Variants in FAM47B observed in about 807,000 individuals in gnomAD.
FAM47B encodes the protein family with sequence similarity 47 member B.
For missense variants in FAM47B, 581 were observed against 550.1 expected (o/e 1.06, Z -0.56); for synonymous variants, 247 against 215.8 (o/e 1.14, Z -1.27).
chrX:34,944,486 A>C lies in FAM47B; in HGVS notation c.1655A>C (p.Tyr552Ser), dbSNP rs756844782. The C allele has an allele frequency of 2.5e-6, 3 of 1,211,824 alleles. No homozygotes were observed. Residue 552 changes from tyrosine (Y) to serine (S), a missense_variant, in exon 1 of 1, where the codon TAC becomes TCC. Tyr to Ser is a moderately radical substitution (Grantham distance 144, BLOSUM62 -2). Transcript: ENST00000329357. Reference sequence around the variant, plus strand: ...GGGAGGATAAGGTATGGACCATGGTACTTCGAGCCTAAGTTGGGGAAAAAG... The same window carrying C: ...GGGAGGATAAGGTATGGACCATGGTCCTTCGAGCCTAAGTTGGGGAAAAAG... ...QRGRIRYGPW[Y>S]FEPKLGKKLR... is the part of the protein sequence containing the mutation.
Position 34,943,465 on chromosome X carries a change from C to A in FAM47B, c.634C>A (p.Arg212Ser), listed in dbSNP as rs1181134835. 8.3e-7 allele frequency: 1 copy of A among 1,210,518 alleles called. No homozygotes were observed. The highest frequency in any genetic ancestry group is 3.0e-5 in the East Asian group (1 of 33,699). ...TCCCAAGACTCCGGTGTCCAGTCGC[C>A]GCCCAGAGCCTCCCAAGACTCGGGT... ...QLPKTPVSSR[R>S]PEPPKTRVSS... is the part of the protein sequence containing the mutation. The change falls in exon 1 of 1, where the codon CGC becomes AGC. Residue 212 changes from arginine (R) to serine (S), a missense_variant. Physicochemically the swap from Arg to Ser is moderately radical, Grantham distance 110. Coordinates refer to ENST00000329357, the MANE Select transcript of FAM47B (RefSeq NM_152631.3).
At position 34,943,450 on chromosome X, in the gene FAM47B, C is replaced by G; in HGVS notation, c.619C>G (p.Pro207Ala). 1 of 1,210,726 alleles carries G rather than the reference C, an allele frequency of 8.3e-7. No individual in the cohort carries two copies. The highest frequency in any genetic ancestry group is 2.3e-4 in the Middle Eastern group (1 of 4,351). ...TCTCCGTCCTCAGCTTCCCAAGACT[C>G]CGGTGTCCAGTCGCCGCCCAGAGCC... ...SRLRPQLPKT[P>A]VSSRRPEPPK... Residue 207 changes from proline to alanine, a missense_variant, in exon 1 of 1, where the codon CCG becomes GCG. Coordinates refer to ENST00000329357, the MANE Select transcript of FAM47B (RefSeq NM_152631.3).
At position 34,944,832 on chromosome X, in the gene FAM47B, T is replaced by G. The variant is rs1926862640; in HGVS notation, c.*63T>G. 9.1e-7 allele frequency: 1 copy of G among 1,094,247 alleles called. No homozygotes were observed. Among genetic ancestry groups the G allele is most frequent in the Admixed American group, 3.1e-5 (1 of 31,796 alleles). 90.2% of individuals were successfully genotyped at this position (1,094,247 alleles called of 1,213,427 possible). On this transcript the variant is annotated 3_prime_UTR_variant, in exon 1 of 1. Transcript: ENST00000329357. ...CTCTCATTCTAAACATCAATCAGAATTTATGATGACTGGCCCCGTGAATGT... is the reference window on the plus strand; with the variant it reads ...CTCTCATTCTAAACATCAATCAGAAGTTATGATGACTGGCCCCGTGAATGT...
In FAM47B at chrX:34,944,360, A is replaced by G. The variant is rs1460033894; in HGVS notation, c.1529A>G (p.Tyr510Cys). 2 of 1,210,255 alleles carry G rather than the reference A, an allele frequency of 1.7e-6. No homozygotes were observed. Among genetic ancestry groups the G allele is most frequent in the Non-Finnish European group, 2.2e-6 (2 of 895,407 alleles). ...AACGAGTGTGCTTCAAGGCTGATGT[A>G]CGGCATGGAGCTAGACGACATGGAT... ...KANECASRLMYGMELDDMDEV... is the reference protein window; with the variant it reads ...KANECASRLMCGMELDDMDEV... The change falls in exon 1 of 1, where the codon TAC (tyrosine) becomes TGC (cysteine). Residue 510 changes from tyrosine (Y) to cysteine (C), a missense_variant. Physicochemically the swap from Tyr to Cys is radical, Grantham distance 194. Coordinates refer to ENST00000329357, the MANE Select transcript of FAM47B (RefSeq NM_152631.3).
Position 34,943,479 on chromosome X carries a change from C to G in FAM47B, c.648C>G (p.Pro216=), listed in dbSNP as rs771203821. 8.3e-7 allele frequency: 1 copy of G among 1,208,079 alleles called. No homozygotes were observed. Among genetic ancestry groups the G allele is most frequent in the African/African-American group, 1.8e-5 (1 of 56,643 alleles). ...TPVSSRRPEP[P]KTRVSSLRPE... ...TGTCCAGTCGCCGCCCAGAGCCTCC[C>G]AAGACTCGGGTGTCCAGTCTCCGCC... The change falls in exon 1 of 1, where the codon CCC becomes CCG. Residue 216 remains proline (P), a synonymous_variant. Transcript: ENST00000329357.
Position 34,944,865 on chromosome X carries a change from T to C in FAM47B, c.*96T>C, listed in dbSNP as rs1016675300. 5.1e-6 allele frequency: 5 copies of C among 976,742 alleles called. No individual in the cohort carries two copies. The highest frequency in any genetic ancestry group is 6.9e-6 in the Non-Finnish European group (5 of 727,317). The allele number at this position is 976,742 out of a possible 1,213,427, so 80.5% of individuals were successfully genotyped here. ...GACTGGCCCCGTGAATGTACAACTT[T>C]GGCAACATCTGTAAATTCAATACCC... is the stretch of plus-strand genomic sequence containing the variant. On this transcript the variant is annotated 3_prime_UTR_variant, in exon 1 of 1. Transcript: ENST00000329357.
chrX:34,944,384 A>G lies in FAM47B; in HGVS notation c.1553A>G (p.Asp518Gly). The G allele has an allele frequency of 1.7e-6, 2 of 1,211,842 alleles. No homozygotes were observed. Among genetic ancestry groups the G allele is most frequent in the Non-Finnish European group, 2.2e-6 (2 of 895,591 alleles). ...LMYGMELDDM[D>G]EVEFLRIKYW... ...TACGGCATGGAGCTAGACGACATGG[A>G]TGAGGTCGAATTCTTACGGATAAAA... Residue 518 changes from aspartate to glycine, a missense_variant, in exon 1 of 1, where the codon GAT becomes GGT. Asp to Gly is a moderately conservative substitution (Grantham distance 94, BLOSUM62 -1). Coordinates refer to ENST00000329357, the MANE Select transcript of FAM47B (RefSeq NM_152631.3).
chrX:34,944,874 C>G lies in FAM47B; in HGVS notation c.*105C>G. ...CGTGAATGTACAACTTTGGCAACATCTGTAAATTCAATACCCAATGCTTAT... is the reference window on the plus strand; with the variant it reads ...CGTGAATGTACAACTTTGGCAACATGTGTAAATTCAATACCCAATGCTTAT... On this transcript the variant is annotated 3_prime_UTR_variant, in exon 1 of 1. Coordinates refer to ENST00000329357, the MANE Select transcript of FAM47B (RefSeq NM_152631.3). 1 of 929,567 alleles carries G rather than the reference C, an allele frequency of 1.1e-6. No homozygotes were observed. The highest frequency in any genetic ancestry group is 3.1e-5 in the South Asian group (1 of 32,363). The allele number at this position is 929,567 out of a possible 1,213,427, so 76.6% of individuals were successfully genotyped here.
Position 34,943,270 on chromosome X carries a change from C to A in FAM47B, c.439C>A (p.Leu147Ile). ...AAAAGATATGCCTCCAGATCTCCTACTACAGGTGCTGAAACAGCTGGATCC... is the reference window on the plus strand; with the variant it reads ...AAAAGATATGCCTCCAGATCTCCTAATACAGGTGCTGAAACAGCTGGATCC... ...LGKDMPPDLL[L>I]QVLKQLDPER... is the part of the protein sequence containing the mutation. The change falls in exon 1 of 1, where the codon CTA becomes ATA. Residue 147 changes from leucine (L) to isoleucine (I), a missense_variant. Leu to Ile is a conservative substitution (Grantham distance 5, BLOSUM62 2). Coordinates refer to ENST00000329357, the MANE Select transcript of FAM47B (RefSeq NM_152631.3). 1.7e-6 allele frequency: 2 copies of A among 1,211,768 alleles called. No individual in the cohort carries two copies. Among genetic ancestry groups the A allele is most frequent in the Non-Finnish European group, 2.2e-6 (2 of 895,514 alleles).
Position 34,943,803 on chromosome X carries a change from C to T in FAM47B, c.972C>T (p.Pro324=), listed in dbSNP as rs1485527852. Residue 324 remains proline (P), a synonymous_variant, in exon 1 of 1, where the codon CCC becomes CCT. Transcript: ENST00000329357. ...TGTCCAGTCTCTGCCCGGAGCCTCCCGAGGCTGGAGTGTCCCATCTCTGCC... is the reference window on the plus strand; with the variant it reads ...TGTCCAGTCTCTGCCCGGAGCCTCCTGAGGCTGGAGTGTCCCATCTCTGCC... ...TQVSSLCPEP[P]EAGVSHLCLE... 1.7e-5 allele frequency: 21 copies of T among 1,207,765 alleles called. No homozygotes were observed. Among genetic ancestry groups the T allele is most frequent in the African/African-American group, 3.5e-5 (2 of 56,401 alleles).
rs1219321736 is a variant in FAM47B at position 34,944,583 on chromosome X, C to A, written c.1752C>A (p.Asp584Glu). 1 of 1,209,268 alleles carries A rather than the reference C, an allele frequency of 8.3e-7. No homozygotes were observed. Among genetic ancestry groups the A allele is most frequent in the Admixed American group, 2.2e-5 (1 of 45,797 alleles). The change falls in exon 1 of 1, where the codon GAC becomes GAA. Residue 584 changes from aspartate (D) to glutamate (E), a missense_variant. Asp to Glu is a conservative substitution (Grantham distance 45, BLOSUM62 2). Transcript: ENST00000329357. ...AGCCTGATGAACCCGACATTCTTGA[C>A]GGTCTTTATGGACCAATTGCCTTTA... The part of the protein sequence containing the change: ...LEKPDEPDIL[D>E]GLYGPIAFKD...
Position 34,943,234 on chromosome X carries a change from C to A in FAM47B, c.403C>A (p.Pro135Thr). 1 of 1,211,057 alleles carries A rather than the reference C, an allele frequency of 8.3e-7. No homozygotes were observed. The highest frequency in any genetic ancestry group is 1.1e-6 in the Non-Finnish European group (1 of 895,257). ...LMTKHPLAMYPNLGKDMPPDL... is the reference protein window; with the variant it reads ...LMTKHPLAMYTNLGKDMPPDL... Reference sequence around the variant, plus strand: ...GACCAAGCATCCCTTGGCCATGTACCCCAATCTGGGAAAAGATATGCCTCC... The same window carrying A: ...GACCAAGCATCCCTTGGCCATGTACACCAATCTGGGAAAAGATATGCCTCC... Residue 135 changes from proline (P) to threonine (T), a missense_variant, in exon 1 of 1, where the codon CCC (proline) becomes ACC (threonine). Coordinates refer to ENST00000329357, the MANE Select transcript of FAM47B (RefSeq NM_152631.3).
chrX:34,944,780 A>G lies in FAM47B; in HGVS notation c.*11A>G, dbSNP rs1227317158. The G allele has an allele frequency of 2.2e-5, 25 of 1,139,470 alleles. No homozygotes were observed. The East Asian group carries it at 7.3e-4, about 33-fold the overall frequency. 93.9% of individuals were successfully genotyped at this position (1,139,470 alleles called of 1,213,427 possible). On this transcript the variant is annotated 3_prime_UTR_variant, in exon 1 of 1. Coordinates refer to ENST00000329357, the MANE Select transcript of FAM47B (RefSeq NM_152631.3). ...TCAAAAGAAGATTAGATGGTTTTCA[A>G]TTTACTGCTTAATTGGGTATTTCTT...
Position 34,943,120 on chromosome X carries a change from C to G in FAM47B, c.289C>G (p.Leu97Val). The change falls in exon 1 of 1, where the codon CTG becomes GTG. Residue 97 changes from leucine (L) to valine (V), a missense_variant. Physicochemically the swap from Leu to Val is conservative, Grantham distance 32 (BLOSUM62 1). Coordinates refer to ENST00000329357, the MANE Select transcript of FAM47B (RefSeq NM_152631.3). Reference sequence around the variant, plus strand: ...TGACCGCAAAAGCAGGAAGAAAAAGCTGCTCAAGAAAGCGGCCCTATTTTC... The same window carrying G: ...TGACCGCAAAAGCAGGAAGAAAAAGGTGCTCAAGAAAGCGGCCCTATTTTC... ...QADRKSRKKK[L>V]LKKAALFSEL... 8.3e-7 allele frequency: 1 copy of G among 1,212,082 alleles called. No homozygotes were observed.
At position 34,943,705 on chromosome X, in the gene FAM47B, G is replaced by A. The variant is rs200459858; in HGVS notation, c.874G>A (p.Val292Ile). The change falls in exon 1 of 1, where the codon GTA becomes ATA. Residue 292 changes from valine (V) to isoleucine (I), a missense_variant. Physicochemically the swap from Val to Ile is conservative, Grantham distance 29 (BLOSUM62 3). Coordinates refer to ENST00000329357, the MANE Select transcript of FAM47B (RefSeq NM_152631.3). ...HLCPEPPETR[V>I]SHLHPEPPET... ...CTGCCCGGAGCCTCCCGAGACTCGC[G>A]TATCTCATCTCCACCCGGAGCCTCC... 8 of 1,205,015 alleles carry A rather than the reference G, an allele frequency of 6.6e-6. No homozygotes were observed. The East Asian group carries it at 9.0e-5, about 13-fold the overall frequency.
chrX:34,944,533 A>AT lies in FAM47B; in HGVS notation c.1704dup (p.Asp569Ter). ...AAAGCTAAGAAGTGATGAACCTTTG[A>AT]TTGACCCCAAGCCCGTACTTGAAAA... On this transcript the variant is annotated frameshift_variant, in exon 1 of 1. Transcript: ENST00000329357. LOFTEE classifies it low-confidence loss of function (END_TRUNC). 8.3e-7 allele frequency: 1 copy of AT among 1,211,427 alleles called. No homozygotes were observed.
rs140552662 is a variant in FAM47B at position 34,943,478 on chromosome X, C to G, written c.647C>G (p.Pro216Arg). The change falls in exon 1 of 1, where the codon CCC (proline) becomes CGC (arginine). Residue 216 changes from proline (P) to arginine (R), a missense_variant. Pro to Arg is a moderately radical substitution (Grantham distance 103, BLOSUM62 -2). Transcript: ENST00000329357. ...TPVSSRRPEP[P>R]KTRVSSLRPE... ...GTGTCCAGTCGCCGCCCAGAGCCTC[C>G]CAAGACTCGGGTGTCCAGTCTCCGC... 2.9e-4 allele frequency: 348 copies of G among 1,208,365 alleles called. 1 individual carries two copies. In the African/African-American group the frequency reaches 5.5e-3, roughly 19 times the overall value.
Position 34,943,670 on chromosome X carries a change from C to A in FAM47B, c.839C>A (p.Ala280Glu), listed in dbSNP as rs754680296. 3 of 1,201,138 alleles carry A rather than the reference C, an allele frequency of 2.5e-6. No homozygotes were observed. Among genetic ancestry groups the A allele is most frequent in the African/African-American group, 1.8e-5 (1 of 54,257 alleles). ...SVHPEPPDTGASHLCPEPPET... is the reference protein window; with the variant it reads ...SVHPEPPDTGESHLCPEPPET... ...CACCCAGAGCCTCCTGATACTGGAG[C>A]GTCCCATCTCTGCCCGGAGCCTCCC... The change falls in exon 1 of 1, where the codon GCG (alanine) becomes GAG (glutamate). Residue 280 changes from alanine (A) to glutamate (E), a missense_variant. Ala to Glu is a moderately radical substitution (Grantham distance 107, BLOSUM62 -1). Coordinates refer to ENST00000329357, the MANE Select transcript of FAM47B (RefSeq NM_152631.3).
In FAM47B at chrX:34,944,017, C is replaced by T. The variant is rs1425649762; in HGVS notation, c.1186C>T (p.His396Tyr). 5.0e-6 allele frequency: 6 copies of T among 1,209,882 alleles called. No individual in the cohort carries two copies. The East Asian group carries it at 1.8e-4, about 36-fold the overall frequency. The change falls in exon 1 of 1, where the codon CAT becomes TAT. Residue 396 changes from histidine (H) to tyrosine (Y), a missense_variant. Physicochemically the swap from His to Tyr is moderately conservative, Grantham distance 83. Transcript: ENST00000329357. ...CPRPFESRMPHLRLVLPITRR... is the reference protein window; with the variant it reads ...CPRPFESRMPYLRLVLPITRR... The stretch of plus-strand genomic sequence containing the variant: ...GCGGCCTTTTGAGAGTCGGATGCCC[C>T]ATCTCCGCCTGGTGCTTCCCATAAC...
Sources: allele counts gnomAD v4.1 joint callset, GRCh38; gene constraint gnomAD v4.1.1; transcripts MANE v1.5; gene names NCBI Gene and HGNC (gene_info 2026-07-23, HGNC 2026-07-21).